The following LSAMP variants were observed in gnomAD, a reference collection of about 807,000 sequenced individuals.
LSAMP encodes limbic system associated membrane protein.
LSAMP carries 7 observed loss-of-function variants against 38.6 expected under a neutral mutation model. The ratio of observed to expected loss-of-function variants is 0.18; its 90% CI spans 0.10 to 0.34. The LOEUF (loss-of-function observed/expected upper bound fraction) is 0.34. LSAMP is among the 10% of genes least tolerant of loss of function. The pLI, the probability that LSAMP is intolerant of heterozygous loss-of-function variation, is 1.00. For synonymous variants in LSAMP, 154 were observed against 166.8 expected (o/e 0.92, Z 0.59); for missense variants, 313 against 420.0 (o/e 0.75, Z 2.23).
At chr3:115,997,690 G>A (rs1245266976) in intron 3 of LSAMP, among the ~76,000 whole-genome samples, 2 of 139,382 alleles carry the variant, frequency 1.4e-5, no homozygotes, top group Non-Finnish European at 3.1e-5. Context: ...GGTTTCTCAA[G>A]AGGGAAACTA....
At chr3:116,346,574 C>T (rs2048067349) in intron 1 of LSAMP, among the ~76,000 whole-genome samples, 1 of 152,060 alleles carries the variant, frequency 6.6e-6, no homozygotes, top group South Asian at 2.1e-4. Context: ...AGCAATCTGC[C>T]CGTCTTGGCC....
intron 1 of LSAMP, among the ~76,000 whole-genome samples, chr3:116,314,473 G>A (rs979274867): frequency 3.3e-5 from 5 of 152,140 alleles, no homozygotes; most frequent in Non-Finnish European, 7.4e-5. Context: ...TTTCAGTAAC[G>A]TTAAAAAGAA....
chr3:115,919,323 T>C (rs1937329212), intron 3 of LSAMP, among the ~76,000 whole-genome samples: 2 of 152,146 alleles, frequency 1.3e-5, no homozygotes, highest in African/African-American at 4.8e-5. Context: ...CATGAATGCA[T>C]AGTCTAGGAA....
intron 1 of LSAMP, among the ~76,000 whole-genome samples, chr3:116,190,128 C>CACACACACACACACACACACAT (rs768880292): frequency 2.7e-5 from 4 of 146,306 alleles, no homozygotes; most frequent in African/African-American, 7.5e-5. Flanking sequence ...CACACACACA[C>CACACACACACACACACACACAT]ATGCATTAAG....
At chr3:116,104,692 G>T (rs550861180) in intron 1 of LSAMP, among the ~76,000 whole-genome samples, 1 of 152,032 alleles carries the variant, frequency 6.6e-6, no homozygotes, top group Non-Finnish European at 1.5e-5. Flanking sequence ...CCATCCACTC[G>T]CAAGTGAACT....
At chr3:116,400,772 C>T (rs559739571) in intron 1 of LSAMP, among the ~76,000 whole-genome samples, 29 of 152,252 alleles carry the variant, frequency 1.9e-4, no homozygotes, top group Admixed American at 4.6e-4. Context: ...CCACCACTCC[C>T]GGCCTGATCT....
intron 2 of LSAMP, among the ~76,000 whole-genome samples, chr3:116,071,664 C>T (rs1707609126): frequency 1.3e-5 from 2 of 152,076 alleles, no homozygotes; most frequent in East Asian, 1.9e-4. Flanking sequence ...TAAACGAGTG[C>T]CATGGTGATT....
intron 1 of LSAMP, among the ~76,000 whole-genome samples, chr3:116,430,851 A>T (rs7611471): frequency 0.058 from 8,837 of 152,118 alleles, 333 homozygotes; most frequent in South Asian, 0.12. Context: ...TATGTCATTC[A>T]ACTAGATTTG....
chr3:115,940,179 G>A (rs545923266), intron 3 of LSAMP, among the ~76,000 whole-genome samples: 12 of 152,228 alleles, frequency 7.9e-5, no homozygotes, highest in Non-Finnish European at 1.8e-4. Flanking sequence ...AAGCTAGTAC[G>A]GACCCAAAGA....
intron 1 of LSAMP, among the ~76,000 whole-genome samples, chr3:116,415,810 C>A (rs10048999): frequency 0.041 from 6,207 of 152,088 alleles, 403 homozygotes; most frequent in African/African-American, 0.14. Context: ...AGATTCTGGA[C>A]TATATCAACA....
intron 1 of LSAMP, among the ~76,000 whole-genome samples, chr3:116,105,124 G>A (rs535310952): frequency 2.8e-4 from 43 of 151,720 alleles, no homozygotes; most frequent in African/African-American, 9.2e-4. Flanking sequence ...CATGATGAAG[G>A]CATTCATAGA....
At chr3:116,278,843 T>C (rs952166172) in intron 1 of LSAMP, among the ~76,000 whole-genome samples, 1 of 152,222 alleles carries the variant, frequency 6.6e-6, no homozygotes, top group Non-Finnish European at 1.5e-5. Context: ...TTAAGTGTTT[T>C]GTTGATACTT....
chr3:116,160,765 T>G (rs1709870475), intron 1 of LSAMP, among the ~76,000 whole-genome samples: 1 of 152,214 alleles, frequency 6.6e-6, no homozygotes, highest in South Asian at 2.1e-4. Flanking sequence ...TATGAAGCAG[T>G]CTGAAACTTC....
intron 3 of LSAMP, among the ~76,000 whole-genome samples, chr3:116,011,630 A>G (rs148934919): frequency 4.3e-4 from 66 of 152,316 alleles, no homozygotes; most frequent in Middle Eastern, 3.4e-3. Flanking sequence ...GTCCAACTGG[A>G]AAACTGATGA....
chr3:116,193,940 A>G (rs1460943719), intron 1 of LSAMP, among the ~76,000 whole-genome samples: 2 of 107,932 alleles, frequency 1.9e-5, no homozygotes, highest in Non-Finnish European at 4.7e-5. Flanking sequence ...TCAGTCACAC[A>G]TCCACTTCTT....
At chr3:116,353,578 T>A (rs185133954) in intron 1 of LSAMP, among the ~76,000 whole-genome samples, 1 of 152,168 alleles carries the variant, frequency 6.6e-6, no homozygotes, top group African/African-American at 2.4e-5. Flanking sequence ...CATAATTCTG[T>A]ACCGAATTGA....
chr3:116,172,110 A>C (rs976144728), intron 1 of LSAMP, among the ~76,000 whole-genome samples: 30 of 152,004 alleles, frequency 2.0e-4, no homozygotes, highest in African/African-American at 7.0e-4. Flanking sequence ...ATAAATAAAT[A>C]AATTTATATA....
chr3:116,440,011 G>T (rs1002343268), intron 1 of LSAMP, among the ~76,000 whole-genome samples: 8 of 152,206 alleles, frequency 5.3e-5, no homozygotes, highest in Admixed American at 4.6e-4. Flanking sequence ...GTGAGCCACC[G>T]CACCCAGCTG....
At chr3:116,293,664 G>T (rs1191583427) in intron 1 of LSAMP, among the ~76,000 whole-genome samples, 1 of 152,072 alleles carries the variant, frequency 6.6e-6, no homozygotes, top group East Asian at 1.9e-4. Context: ...GAAATCAATA[G>T]ATATTATCTA....
Sources: allele counts gnomAD v4.1 joint callset (sites outside exome capture counted in the v4.1 genomes callset), GRCh38; gene constraint gnomAD v4.1.1; transcripts MANE v1.5; gene names NCBI Gene and HGNC (gene_info 2026-07-23, HGNC 2026-07-21).